The following TMEM132C variants were observed in gnomAD, a reference collection of about 807,000 sequenced individuals.
TMEM132C encodes the protein transmembrane protein 132C.
TMEM132C carries 29 observed loss-of-function variants against 61.4 expected under a neutral mutation model. That is an observed-to-expected ratio of 0.47 (90% CI 0.35 to 0.64). The LOEUF (loss-of-function observed/expected upper bound fraction) is 0.64, where lower values mean the gene tolerates loss of function less well. Among genes scored for constraint, TMEM132C ranks in the 30% least tolerant of loss-of-function variants. The probability of loss-of-function intolerance (pLI) is 0.00; values close to 1 mark genes in which losing one functional copy is unlikely to be tolerated. For synonymous variants in TMEM132C, 656 were observed against 633.1 expected (o/e 1.04, Z -0.54); for missense variants, 1,408 against 1,476.9 (o/e 0.95, Z 0.76).
chr12:128,543,462 G>A (rs1421867277), intron 2 of TMEM132C, among the ~76,000 whole-genome samples: 1 of 152,100 alleles, frequency 6.6e-6, no homozygotes, highest in Non-Finnish European at 1.5e-5. Context: ...TGACACTGTG[G>A]GCCCAGTGGC....
At position 128,676,824 on chromosome 12, in the gene TMEM132C, T is replaced by C. The variant is rs1043732492; in HGVS notation, c.1449+7264T>C. On this transcript the variant is annotated intron_variant, in intron 5 of 8. Coordinates refer to ENST00000435159, the MANE Select transcript of TMEM132C (RefSeq NM_001136103.3). ...CAATGCATCATGAATATCGCTGCCTTGGAGCACTTGGAACATGAAGCCAGG... is the reference window on the plus strand; with the variant it reads ...CAATGCATCATGAATATCGCTGCCTCGGAGCACTTGGAACATGAAGCCAGG... 1.3e-5 allele frequency among the ~76,000 whole-genome samples: 2 copies of C among 152,238 alleles called. 1 individual carries two copies. The highest frequency in any genetic ancestry group is 1.3e-4 in the Admixed American group (2 of 15,286).
At chr12:128,536,223 G>T (rs539011784) in intron 2 of TMEM132C, among the ~76,000 whole-genome samples, 1 of 152,336 alleles carries the variant, frequency 6.6e-6, no homozygotes, top group South Asian at 2.1e-4. Context: ...TAGAAAGGAT[G>T]AGTTCATGTC....
intron 4 of TMEM132C, among the ~76,000 whole-genome samples, chr12:128,662,152 G>A (rs537741468): frequency 4.3e-4 from 66 of 152,268 alleles, no homozygotes; most frequent in Non-Finnish European, 8.8e-4. Context: ...GTGTTTGGAT[G>A]TCTGCTATGT....
intron 1 of TMEM132C, among the ~76,000 whole-genome samples, chr12:128,319,353 C>CAG (rs1172436113): frequency 7.4e-6 from 1 of 134,606 alleles, no homozygotes; most frequent in Non-Finnish European, 1.7e-5. Context: ...ATTTGCAGTC[C>CAG]CGAGAGAGAG....
intron 4 of TMEM132C, among the ~76,000 whole-genome samples, chr12:128,662,542 C>G (rs1158453882): frequency 1.3e-5 from 2 of 152,200 alleles, no homozygotes; most frequent in African/African-American, 2.4e-5. Flanking sequence ...AACATATACT[C>G]CTGCCCTGGG....
chr12:128,651,851 G>T (rs1954273800), intron 4 of TMEM132C, among the ~76,000 whole-genome samples: 1 of 149,688 alleles, frequency 6.7e-6, no homozygotes, highest in African/African-American at 2.5e-5. Flanking sequence ...AAACATGATG[G>T]AGTGGAGGAG....
intron 3 of TMEM132C, among the ~76,000 whole-genome samples, chr12:128,576,782 CATT>C (rs563339265): frequency 1.7e-4 from 26 of 152,176 alleles, no homozygotes; most frequent in Non-Finnish European, 2.4e-4. Flanking sequence ...TGGTTGTCGA[CATT>C]GTTGTTGTTG....
chr12:128,512,085 T>G (rs1286124126), intron 2 of TMEM132C, among the ~76,000 whole-genome samples: 1 of 148,656 alleles, frequency 6.7e-6, no homozygotes, highest in African/African-American at 2.5e-5. Flanking sequence ...GCACTGCCAG[T>G]TTTTTTTTTC....
At chr12:128,533,816 G>A (rs958528207) in intron 2 of TMEM132C, among the ~76,000 whole-genome samples, 2 of 152,086 alleles carry the variant, frequency 1.3e-5, no homozygotes, top group Non-Finnish European at 2.9e-5. Context: ...CAGTTTGAAC[G>A]TACTCTGAAG....
chr12:128,272,877 G>C (rs1262424556), intron 1 of TMEM132C, among the ~76,000 whole-genome samples: 2 of 152,006 alleles, frequency 1.3e-5, no homozygotes, highest in Non-Finnish European at 2.9e-5. Context: ...TACGATTTTT[G>C]AGAGTGCTTT....
In TMEM132C at chr12:128,442,416, G is replaced by C. The variant is rs965933423; in HGVS notation, c.974+26796G>C. On this transcript the variant is annotated intron_variant, in intron 2 of 8. Transcript: ENST00000435159. ...ACTATTCATTAGAACCATCTGGAGA[G>C]AGAGAGTGAAATCCCAGTAATATCC... 4.6e-5 allele frequency among the ~76,000 whole-genome samples: 7 copies of C among 152,216 alleles called. No individual in the cohort carries two copies. In the East Asian group the frequency reaches 1.3e-3, roughly 29 times the overall value.
At chr12:128,318,197 G>A (rs1872215777) in intron 1 of TMEM132C, among the ~76,000 whole-genome samples, 1 of 152,150 alleles carries the variant, frequency 6.6e-6, no homozygotes, top group South Asian at 2.1e-4. Flanking sequence ...ACTTGTGTTT[G>A]AAGATAAATT....
At chr12:128,282,457 A>G (rs1388636657) in intron 1 of TMEM132C, among the ~76,000 whole-genome samples, 1 of 152,234 alleles carries the variant, frequency 6.6e-6, no homozygotes, top group Non-Finnish European at 1.5e-5. Flanking sequence ...GGAAGAGGCA[A>G]AAGGAAAAGT....
At chr12:128,392,198 G>T (rs1442492861) in intron 1 of TMEM132C, among the ~76,000 whole-genome samples, 1 of 152,148 alleles carries the variant, frequency 6.6e-6, no homozygotes, top group East Asian at 1.9e-4. Context: ...CTCTGCAGCA[G>T]CTCCTGGGGG....
At chr12:128,413,474 T>A (rs954647442) in intron 1 of TMEM132C, among the ~76,000 whole-genome samples, 2 of 151,878 alleles carry the variant, frequency 1.3e-5, no homozygotes, top group Non-Finnish European at 2.9e-5. Context: ...CCGCTTTTCA[T>A]TCTCAGCAGC....
At chr12:128,556,477 CTG>C (rs1874332932) in intron 3 of TMEM132C, among the ~76,000 whole-genome samples, 1 of 152,156 alleles carries the variant, frequency 6.6e-6, no homozygotes, top group South Asian at 2.1e-4. Context: ...TTATGACACT[CTG>C]TGTTATAGGT....
At chr12:128,350,402 C>A (rs1309599332) in intron 1 of TMEM132C, among the ~76,000 whole-genome samples, 1 of 152,076 alleles carries the variant, frequency 6.6e-6, no homozygotes, top group Non-Finnish European at 1.5e-5. Context: ...ACGGGGCCAC[C>A]CCTTAGATGG....
In TMEM132C at chr12:128,298,530, G is replaced by C. The variant is rs576108827; in HGVS notation, c.85+31043G>C. 1.8e-4 allele frequency among the ~76,000 whole-genome samples: 28 copies of C among 152,204 alleles called. No individual in the cohort carries two copies. The South Asian group carries it at 5.2e-3, about 28-fold the overall frequency. The stretch of plus-strand genomic sequence containing the variant: ...ATTGCATCTCACGTAACTACGGTAC[G>C]TACGACTCACAGCCAGGAAACCAGC... On this transcript the variant is annotated intron_variant, in intron 1 of 8. Transcript: ENST00000435159.
chr12:128,318,049 T>A (rs766782856), intron 1 of TMEM132C, among the ~76,000 whole-genome samples: 3 of 152,078 alleles, frequency 2.0e-5, no homozygotes, highest in African/African-American at 2.4e-5. Context: ...ACAAGAAGTG[T>A]TTATTGAGGA....
Sources: allele counts gnomAD v4.1 joint callset (sites outside exome capture counted in the v4.1 genomes callset), GRCh38; gene constraint gnomAD v4.1.1; transcripts MANE v1.5; gene names NCBI Gene and HGNC (gene_info 2026-07-23, HGNC 2026-07-21).